SNX30: variants seen among roughly 807,000 people sequenced by gnomAD.
SNX30 encodes the protein sorting nexin-30.
In SNX30, 24 loss-of-function variants were observed where a neutral mutation model predicts 46.4. The ratio of observed to expected loss-of-function variants is 0.52; its 90% CI spans 0.37 to 0.73. The LOEUF (loss-of-function observed/expected upper bound fraction) is 0.73, where lower values mean the gene tolerates loss of function less well. Among genes scored for constraint, SNX30 ranks in the 30% least tolerant of loss-of-function variants. The probability of loss-of-function intolerance (pLI) is 0.00; values close to 1 mark genes in which losing one functional copy is unlikely to be tolerated. For missense variants in SNX30, 533 were observed against 555.7 expected, an observed-to-expected ratio of 0.96 and a Z score of 0.41; for synonymous variants, 189 against 211.5, an observed-to-expected ratio of 0.89 and a Z score of 0.92.
At chr9:112,793,641 A>G (rs1840060754) in intron 1 of SNX30, among the ~76,000 whole-genome samples, 1 of 152,244 alleles carries the variant, frequency 6.6e-6, no homozygotes, top group South Asian at 2.1e-4. Context: ...CTTCGGTGAC[A>G]TGGGTTAGAT....
chr9:112,866,480 C>T (rs1228838148), intron 8 of SNX30: 1 of 470,776 alleles, frequency 2.1e-6, no homozygotes, highest in Non-Finnish European at 4.4e-6. Context: ...GGCTGACATA[C>T]AAAGTCCATT....
chr9:112,810,139 C>G (rs767113472), intron 2 of SNX30, among the ~76,000 whole-genome samples: 6 of 151,998 alleles, frequency 3.9e-5, no homozygotes, highest in Non-Finnish European at 5.9e-5. Context: ...GATGATGAAG[C>G]CTTCTAAGGG....
chr9:112,753,691 G>A (rs751255441), intron 1 of SNX30, among the ~76,000 whole-genome samples: 2 of 152,186 alleles, frequency 1.3e-5, no homozygotes, highest in Non-Finnish European at 2.9e-5. Context: ...CCTAATTATT[G>A]AATATTTAAT....
intron 1 of SNX30, among the ~76,000 whole-genome samples, chr9:112,766,554 G>A (rs1024655643): frequency 1.3e-5 from 2 of 152,146 alleles, no homozygotes; most frequent in Non-Finnish European, 2.9e-5. Context: ...TTGTGCAACA[G>A]ATCTCCAGAA....
chr9:112,751,674 G>A (rs1237679498), intron 1 of SNX30, among the ~76,000 whole-genome samples: 2 of 152,178 alleles, frequency 1.3e-5, no homozygotes, highest in Non-Finnish European at 2.9e-5. Flanking sequence ...TGTTTGTCCT[G>A]AGGAGTCACC....
At chr9:112,785,633 C>T (rs953996911) in intron 1 of SNX30, among the ~76,000 whole-genome samples, 1 of 152,082 alleles carries the variant, frequency 6.6e-6, no homozygotes, top group African/African-American at 2.4e-5. Context: ...ATCTGCCTGC[C>T]TTGGCTTTCC....
downstream of SNX30, among the ~76,000 whole-genome samples, chr9:112,883,879 T>TG (rs1033058740): frequency 9.9e-5 from 15 of 152,048 alleles, no homozygotes; most frequent in Non-Finnish European, 1.8e-4. Flanking sequence ...TGTATTTTAT[T>TG]GGAGACATGG....
chr9:112,794,605 C>G (rs945008015), intron 1 of SNX30, among the ~76,000 whole-genome samples: 11 of 152,198 alleles, frequency 7.2e-5, no homozygotes, highest in African/African-American at 2.7e-4. Flanking sequence ...CTAGATCATT[C>G]ACTTGCCCAT....
intron 8 of SNX30, among the ~76,000 whole-genome samples, chr9:112,867,682 A>C: frequency 7.5e-6 from 1 of 134,052 alleles, no homozygotes. Context: ...AATTTCTCCC[A>C]CCTCTTCAGA....
At chr9:112,882,691 G>A (rs527517869), downstream of SNX30, among the ~76,000 whole-genome samples, 18 of 152,106 alleles carry the variant, frequency 1.2e-4, no homozygotes, top group South Asian at 2.9e-3. Flanking sequence ...ATTGGAGGTG[G>A]GGGGAGATGA....
chr9:112,757,436 A>G (rs1239573074), intron 1 of SNX30, among the ~76,000 whole-genome samples: 3 of 152,138 alleles, frequency 2.0e-5, no homozygotes, highest in Non-Finnish European at 2.9e-5. Flanking sequence ...TATCTTGGCT[A>G]TTGTGAATAA....
At chr9:112,865,661 A>ATATATATATATATATATATG in intron 8 of SNX30, among the ~76,000 whole-genome samples, 3 of 105,684 alleles carry the variant, frequency 2.8e-5, no homozygotes, top group Admixed American at 1.9e-4. Flanking sequence ...ATATATATAT[A>ATATATATATATATATATATG]TGTATGTATG....
chr9:112,838,764 G>T, intron 6 of SNX30, 67 bp downstream of exon 6: 1 of 1,458,720 alleles, frequency 6.9e-7, no homozygotes, highest in South Asian at 1.2e-5. Flanking sequence ...GAAAGTAATG[G>T]ATTATTGCCT....
intron 1 of SNX30, among the ~76,000 whole-genome samples, chr9:112,764,283 A>G (rs1353977101): frequency 6.6e-6 from 1 of 152,224 alleles, no homozygotes; most frequent in Non-Finnish European, 1.5e-5. Context: ...TGAGGCTGGA[A>G]AGGTTGGTAG....
chr9:112,779,037 A>G (rs1013531047), intron 1 of SNX30, among the ~76,000 whole-genome samples: 2 of 152,254 alleles, frequency 1.3e-5, no homozygotes, highest in African/African-American at 4.8e-5. Context: ...AAGGCATCCC[A>G]TACAAAGTGC....
chr9:112,770,772 C>A (rs546808421), intron 1 of SNX30, among the ~76,000 whole-genome samples: 1 of 151,982 alleles, frequency 6.6e-6, no homozygotes, highest in Non-Finnish European at 1.5e-5. Flanking sequence ...CCGAGGCAGG[C>A]GGATCACGAG....
At chr9:112,838,986 TAA>T (rs1468438182) in intron 6 of SNX30, among the ~76,000 whole-genome samples, 1 of 152,052 alleles carries the variant, frequency 6.6e-6, no homozygotes, top group African/African-American at 2.4e-5. Flanking sequence ...GGAAAAGTAA[TAA>T]TTAGAGCTCT....
At chr9:112,856,406 G>A (rs1841129055) in intron 7 of SNX30, among the ~76,000 whole-genome samples, 1 of 150,510 alleles carries the variant, frequency 6.6e-6, no homozygotes, top group Non-Finnish European at 1.5e-5. Context: ...GGGAGGGCGT[G>A]TGGTGTGTGT....
At chr9:112,838,367 G>A (rs916782086) in intron 5 of SNX30, 131 bp from the exon 6 acceptor site, 1 of 680,370 alleles carries the variant, frequency 1.5e-6, no homozygotes, top group Non-Finnish European at 2.5e-6. Context: ...AAGAAGAGTG[G>A]GATCAGGTGA....
Sources: allele counts gnomAD v4.1 joint callset (sites outside exome capture counted in the v4.1 genomes callset), GRCh38; gene constraint gnomAD v4.1.1; transcripts MANE v1.5; gene names NCBI Gene and HGNC (gene_info 2026-07-23, HGNC 2026-07-21).